The following ZSWIM4 variants were observed in gnomAD, a reference collection of about 807,000 sequenced individuals.
The protein encoded by ZSWIM4 is zinc finger SWIM-type containing 4.
ZSWIM4 carries 62 observed loss-of-function variants against 102.5 expected under a neutral mutation model. The observed-to-expected ratio is 0.60, with a 90% CI of 0.49 to 0.75. The LOEUF (loss-of-function observed/expected upper bound fraction) is 0.75, where lower values mean the gene tolerates loss of function less well. Ranked by LOEUF, ZSWIM4 falls within the 30% of genes least tolerant of loss-of-function variation. The pLI, the probability that ZSWIM4 is intolerant of heterozygous loss-of-function variation, is 0.00. For synonymous variants in ZSWIM4, 652 were observed against 674.5 expected, an observed-to-expected ratio of 0.97 and a Z score of 0.52; for missense variants, 1,280 against 1,529.6, an observed-to-expected ratio of 0.84 and a Z score of 2.72.
Position 13,817,888 on chromosome 19 carries a change from G to A in ZSWIM4, c.1836G>A (p.Glu612=). ...CCCAGGACAAGGTGGTGCGCAACGA[G>A]GAGCAGCTGCTGGCCCTGCTGGAGG... is the stretch of plus-strand genomic sequence containing the variant. ...LYAQDKVVRN[E]EQLLALLEEV... The change falls in exon 9 of 14, where the codon GAG becomes GAA. Residue 612 remains glutamate, a synonymous_variant. Transcript: ENST00000590508. 1 of 1,550,800 alleles carries A rather than the reference G, an allele frequency of 6.4e-7. No homozygotes were observed.
Position 13,812,999 on chromosome 19 carries a change from G to T in ZSWIM4, c.1015G>T (p.Ala339Ser), listed in dbSNP as rs370863683. ...KCRQLWDELG[A>S]LWVCVVLSPH... ...GAGCCTGCCCCGTGCCTCCTCAGGGGCCCTGTGGGTTTGCGTCGTCCTGAG... is the reference window on the plus strand; with the variant it reads ...GAGCCTGCCCCGTGCCTCCTCAGGGTCCCTGTGGGTTTGCGTCGTCCTGAG... The change falls in exon 6 of 14, where the codon GCC becomes TCC. Residue 339 changes from alanine to serine, a missense_variant and splice_region_variant. Ala to Ser is a moderately conservative substitution (Grantham distance 99, BLOSUM62 1). Coordinates refer to ENST00000590508, the MANE Select transcript of ZSWIM4 (RefSeq NM_001367834.3). 5.6e-6 allele frequency: 9 copies of T among 1,607,162 alleles called. No individual in the cohort carries two copies. Among genetic ancestry groups the T allele is most frequent in the Non-Finnish European group, 7.7e-6 (9 of 1,175,298 alleles).
At chr19:13,819,208 C>T in intron 9 of ZSWIM4, 149 bp from the exon 10 acceptor site, 1 of 1,113,394 alleles carries the variant, frequency 9.0e-7, no homozygotes, top group Non-Finnish European at 1.3e-6. Flanking sequence ...AGTCTCAGAC[C>T]TGAACCCCTA....
At chr19:13,812,642 G>A (rs1207098332) in intron 5 of ZSWIM4, among the ~76,000 whole-genome samples, 1 of 139,508 alleles carries the variant, frequency 7.2e-6, no homozygotes, top group Non-Finnish European at 1.5e-5. Flanking sequence ...TTTTTTTTTG[G>A]TATTTTCAGT....
intron 6 of ZSWIM4, 88 bp downstream of exon 6, chr19:13,813,252 G>C: frequency 8.6e-7 from 1 of 1,157,354 alleles, no homozygotes; most frequent in South Asian, 1.5e-5. Flanking sequence ...CTTCCCAGGA[G>C]AGAGAGGGAG....
chr19:13,826,344 A>C (rs1405355982), intron 12 of ZSWIM4, among the ~76,000 whole-genome samples: 2 of 151,198 alleles, frequency 1.3e-5, no homozygotes, highest in African/African-American at 4.9e-5. Context: ...CCTAGCAATA[A>C]AGAGCTTCCT....
At chr19:13,802,296 T>C (rs1369489423) in intron 2 of ZSWIM4, among the ~76,000 whole-genome samples, 9 of 145,136 alleles carry the variant, frequency 6.2e-5, no homozygotes, top group Admixed American at 6.1e-4. Flanking sequence ...TTTTAAGAGA[T>C]AGAGTCTCGG....
intron 10 of ZSWIM4, among the ~76,000 whole-genome samples, chr19:13,821,173 A>G (rs564043315): frequency 1.3e-5 from 2 of 151,406 alleles, no homozygotes; most frequent in African/African-American, 4.9e-5. Context: ...AATCCCAGCT[A>G]CTCCGGAGGC....
At position 13,831,101 on chromosome 19, in the gene ZSWIM4, C is replaced by A; in HGVS notation, c.*51C>A. 1 of 1,508,114 alleles carries A rather than the reference C, an allele frequency of 6.6e-7. No individual in the cohort carries two copies. The highest frequency in any genetic ancestry group is 8.8e-7 in the Non-Finnish European group (1 of 1,136,148). 93.4% of individuals were successfully genotyped at this position (1,508,114 alleles called of 1,614,324 possible). A position where few individuals can be genotyped will look rare whatever the true frequency, so the allele number is the denominator to read the frequency against. ...GGATCCCCCTCGCCCCTGCGTCCCC[C>A]ACCCTTGCTCTCCAATTAGGCCCAC... On this transcript the variant is annotated 3_prime_UTR_variant, in exon 14 of 14. Coordinates refer to ENST00000590508, the MANE Select transcript of ZSWIM4 (RefSeq NM_001367834.3).
At chr19:13,829,772 C>T (rs962529561) in intron 13 of ZSWIM4, among the ~76,000 whole-genome samples, 4 of 152,030 alleles carry the variant, frequency 2.6e-5, no homozygotes, top group African/African-American at 9.7e-5. Flanking sequence ...TTGCAGTGAG[C>T]CGAGATGGTG....
At chr19:13,813,340 G>T (rs530855807) in intron 6 of ZSWIM4, among the ~76,000 whole-genome samples, 176 bp downstream of exon 6, 1 of 152,204 alleles carries the variant, frequency 6.6e-6, no homozygotes, top group Non-Finnish European at 1.5e-5. Flanking sequence ...AGGAAAGAGC[G>T]AGTGCCAAGG....
At position 13,830,721 on chromosome 19, in the gene ZSWIM4, G is replaced by A. The variant is rs1489496774; in HGVS notation, c.2992G>A (p.Asp998Asn). 2 of 1,608,214 alleles carry A rather than the reference G, an allele frequency of 1.2e-6. No homozygotes were observed. Among genetic ancestry groups the A allele is most frequent in the South Asian group, 1.1e-5 (1 of 90,838 alleles). Residue 998 changes from aspartate (D) to asparagine (N), a missense_variant, in exon 14 of 14, where the codon GAT becomes AAT. By Grantham distance (23) the Asp-to-Asn change is conservative. Coordinates refer to ENST00000590508, the MANE Select transcript of ZSWIM4 (RefSeq NM_001367834.3). ...CATCCACTGTGCCCCAATGCTGTCC[G>A]ATATTCTGCGCCGCTGGACTCTCTC... Reference protein sequence around the residue: ...RSIHCAPMLSDILRRWTLSAP... With the variant: ...RSIHCAPMLSNILRRWTLSAP...
chr19:13,812,993 T>C lies in ZSWIM4; in HGVS notation c.1013-4T>C, dbSNP rs1286777245. 2 of 1,603,378 alleles carry C rather than the reference T, an allele frequency of 1.2e-6. No homozygotes were observed. Among genetic ancestry groups the C allele is most frequent in the Admixed American group, 3.4e-5 (2 of 59,438 alleles). On this transcript the variant is annotated splice_region_variant and splice_polypyrimidine_tract_variant and intron_variant, in intron 5 of 13. Transcript: ENST00000590508. ...AATATTGAGCCTGCCCCGTGCCTCC[T>C]CAGGGGCCCTGTGGGTTTGCGTCGT...
chr19:13,796,315 T>C (rs1974611687), intron 1 of ZSWIM4, among the ~76,000 whole-genome samples: 2 of 152,090 alleles, frequency 1.3e-5, no homozygotes, highest in African/African-American at 2.4e-5. Context: ...GGGGACACCC[T>C]GTCTCCCTCC....
chr19:13,830,438 G>T lies in ZSWIM4; in HGVS notation c.2709G>T (p.Glu903Asp). ...TLCEKNHSAFEAAYQIVLDAA... is the reference protein window; with the variant it reads ...TLCEKNHSAFDAAYQIVLDAA... ...GCGAGAAGAACCACTCGGCCTTCGA[G>T]GCGGCCTACCAGATCGTGCTGGACG... Residue 903 changes from glutamate (E) to aspartate (D), a missense_variant, in exon 14 of 14, where the codon GAG (glutamate) becomes GAT (aspartate). Glu to Asp is a conservative substitution (Grantham distance 45, BLOSUM62 2). Coordinates refer to ENST00000590508, the MANE Select transcript of ZSWIM4 (RefSeq NM_001367834.3). The T allele has an allele frequency of 6.2e-7, 1 of 1,608,908 alleles. No homozygotes were observed.
intron 2 of ZSWIM4, among the ~76,000 whole-genome samples, chr19:13,802,663 CAAACA>C (rs1974806441): frequency 6.6e-6 from 1 of 152,012 alleles, no homozygotes; most frequent in Non-Finnish European, 1.5e-5. Flanking sequence ...ACTGCAGCCA[CAAACA>C]TCTGAGCTCA....
rs917594734 is a variant in ZSWIM4, at chr19:13,817,879, G to A, written c.1827G>A (p.Val609=). Residue 609 remains valine, a synonymous_variant, in exon 9 of 14, where the codon GTG becomes GTA. Coordinates refer to ENST00000590508, the MANE Select transcript of ZSWIM4 (RefSeq NM_001367834.3). ...PEGLYAQDKV[V]RNEEQLLALL... is the part of the protein sequence containing the mutation. ...GGCTGTACGCCCAGGACAAGGTGGT[G>A]CGCAACGAGGAGCAGCTGCTGGCCC... 6.4e-7 allele frequency: 1 copy of A among 1,552,102 alleles called. No homozygotes were observed. Among genetic ancestry groups the A allele is most frequent in the African/African-American group, 1.4e-5 (1 of 73,396 alleles).
intron 10 of ZSWIM4, among the ~76,000 whole-genome samples, chr19:13,821,397 C>T (rs1975457616): frequency 6.6e-6 from 1 of 152,084 alleles, no homozygotes; most frequent in Admixed American, 6.6e-5. Flanking sequence ...TGGGATCCAG[C>T]CTGGTACACA....
chr19:13,803,953 C>T (rs947955047), intron 2 of ZSWIM4, among the ~76,000 whole-genome samples: 3 of 150,736 alleles, frequency 2.0e-5, no homozygotes, highest in African/African-American at 7.3e-5. Context: ...CCTCTGCCTC[C>T]CGGGTTCAAG....
At chr19:13,808,295 A>G (rs577476247) in intron 3 of ZSWIM4, among the ~76,000 whole-genome samples, 4 of 151,860 alleles carry the variant, frequency 2.6e-5, no homozygotes, top group Admixed American at 2.0e-4. Flanking sequence ...TGAGCTAGTC[A>G]TGTTTAGGAC....
Sources: gnomAD v4.1 joint callset for allele counts (sites outside exome capture counted in the v4.1 genomes callset) on GRCh38, gnomAD v4.1.1 for gene constraint, MANE v1.5 for transcripts, NCBI Gene and HGNC (gene_info 2026-07-23, HGNC 2026-07-21) for gene names.